COL4A1: variants seen among roughly 807,000 people sequenced by gnomAD.
The protein encoded by COL4A1 is collagen type IV alpha 1 chain.
A neutral mutation model predicts 216.6 loss-of-function variants in COL4A1; 40 were observed. The ratio of observed to expected loss-of-function variants is 0.18; its 90% CI spans 0.14 to 0.24. COL4A1 has a LOEUF of 0.24. COL4A1 is among the 10% of genes least tolerant of loss of function. The pLI, the probability that COL4A1 is intolerant of heterozygous loss-of-function variation, is 1.00. For synonymous variants in COL4A1, 839 were observed against 810.7 expected (o/e 1.03, Z -0.59); for missense variants, 1,628 against 2,196.8 (o/e 0.74, Z 5.18).
chr13:110,170,708 G>A lies in COL4A1; in HGVS notation c.3581C>T (p.Pro1194Leu), dbSNP rs372606485. ...AATTCCTGGGCTCCCGGCTAATCCT[G>A]GGAAACCCACCTCACCCTTTGAACC... ...DKGSKGEVGFPGLAGSPGIPG... is the reference protein window; with the variant it reads ...DKGSKGEVGFLGLAGSPGIPG... The change falls in exon 42 of 52, where the codon CCA (proline) becomes CTA (leucine). Residue 1194 changes from proline (P) to leucine (L), a missense_variant. Transcript: ENST00000375820. 16 of 1,614,088 alleles carry A rather than the reference G, an allele frequency of 9.9e-6. No individual in the cohort carries two copies. The highest frequency in any genetic ancestry group is 1.3e-5 in the Non-Finnish European group (15 of 1,180,050).
chr13:110,170,003 C>A (rs1877539732), intron 42 of COL4A1, among the ~76,000 whole-genome samples: 1 of 130,836 alleles, frequency 7.6e-6, no homozygotes, highest in Non-Finnish European at 1.6e-5. Context: ...ACCCTTGAGA[C>A]AGAAATTGAG....
intron 1 of COL4A1, among the ~76,000 whole-genome samples, chr13:110,283,395 G>A (rs1883715504): frequency 6.6e-6 from 1 of 152,222 alleles, no homozygotes; most frequent in Non-Finnish European, 1.5e-5. Context: ...CACTAATGTA[G>A]GGAGATGAGA....
Position 110,268,425 on chromosome 13 carries a change from T to C in COL4A1, c.85-25691A>G, listed in dbSNP as rs1479322902. On this transcript the variant is annotated intron_variant, in intron 1 of 51. Coordinates refer to ENST00000375820, the MANE Select transcript of COL4A1 (RefSeq NM_001845.6). This position sits in a 1 kb window ranked among gnomAD's most constrained non-coding sequence, Gnocchi z 4.1. Reference sequence around the variant, plus strand: ...CGGCATGGCCAGCTCTCTGCTCTCTTTAGAGAGAAGGCAACCATCCTCGCC... The same window carrying C: ...CGGCATGGCCAGCTCTCTGCTCTCTCTAGAGAGAAGGCAACCATCCTCGCC... Among the ~76,000 whole-genome samples, 1 of 152,142 alleles carries C rather than the reference T, an allele frequency of 6.6e-6. No homozygotes were observed. Among genetic ancestry groups the C allele is most frequent in the Non-Finnish European group, 1.5e-5 (1 of 68,020 alleles).
At chr13:110,186,600 C>T in intron 25 of COL4A1, 47 bp from the exon 26 acceptor site, 1 of 1,606,976 alleles carries the variant, frequency 6.2e-7, no homozygotes, top group Non-Finnish European at 8.5e-7. Flanking sequence ...GACACACCAA[C>T]ACCCTGTCCT....
Position 110,207,326 on chromosome 13 carries a change from T to C in COL4A1, c.780+77A>G. 5 of 1,272,790 alleles carry C rather than the reference T, an allele frequency of 3.9e-6. No homozygotes were observed. In the South Asian group the frequency reaches 4.8e-5, roughly 12 times the overall value. The allele number at this position is 1,272,790 out of a possible 1,614,324, so 78.8% of individuals were successfully genotyped here. A position where few individuals can be genotyped will look rare whatever the true frequency, so the allele number is the denominator to read the frequency against. ...GAATGTAGCTGGAAAAACTGAGTTT[T>C]GACCCATTTTCTCTTTATCTTTTGG... is the stretch of plus-strand genomic sequence containing the variant. On this transcript the variant is annotated intron_variant, in intron 13 of 51. Transcript: ENST00000375820. The surrounding 1 kb of genome is among the most constrained non-coding windows in gnomAD (Gnocchi z 4.4).
At position 110,155,321 on chromosome 13, in the gene COL4A1, C is replaced by T. The variant is rs759600848; in HGVS notation, c.4717G>A (p.Gly1573Arg). ...QTIQIPPCPS[G>R]WSSLWIGYSF... ...TAGCCGATCCACAGCGAGGACCACC[C>T]GCTGGGGCACGGTGGGATCTGAATG... The change falls in exon 50 of 52, where the codon GGG becomes AGG. Residue 1573 changes from glycine (G) to arginine (R), a missense_variant. Gly to Arg is a moderately radical substitution (Grantham distance 125, BLOSUM62 -2). Coordinates refer to ENST00000375820, the MANE Select transcript of COL4A1 (RefSeq NM_001845.6). The T allele has an allele frequency of 1.3e-5, 21 of 1,614,182 alleles. No individual in the cohort carries two copies. Among genetic ancestry groups the T allele is most frequent in the East Asian group, 4.5e-5 (2 of 44,880 alleles).
chr13:110,205,414 C>T lies in COL4A1; in HGVS notation c.904-8G>A, dbSNP rs767732094. 4 of 1,614,028 alleles carry T rather than the reference C, an allele frequency of 2.5e-6. No individual in the cohort carries two copies. Among genetic ancestry groups the T allele is most frequent in the South Asian group, 2.2e-5 (2 of 91,072 alleles). ...GGGTTCACCAGGAAAACCCTGAAAC[C>T]GAAGAGAGAAGCAGTAACCGTCAGA... On this transcript the variant is annotated splice_polypyrimidine_tract_variant and splice_region_variant and intron_variant, in intron 16 of 51. Coordinates refer to ENST00000375820, the MANE Select transcript of COL4A1 (RefSeq NM_001845.6).
rs775637944 is a variant in COL4A1 at position 110,174,763 on chromosome 13, T to G, written c.3199-14A>C. 6.2e-7 allele frequency: 1 copy of G among 1,612,218 alleles called. No homozygotes were observed. Among genetic ancestry groups the G allele is most frequent in the African/African-American group, 1.3e-5 (1 of 74,886 alleles). The stretch of plus-strand genomic sequence containing the variant: ...CCCTTGATCTCCCTGCAAGTAAAAG[T>G]CAGGCATATTAACTTTACATTTGTC... On this transcript the variant is annotated splice_polypyrimidine_tract_variant and intron_variant, in intron 37 of 51. Coordinates refer to ENST00000375820, the MANE Select transcript of COL4A1 (RefSeq NM_001845.6).
intron 2 of COL4A1, among the ~76,000 whole-genome samples, chr13:110,229,798 C>T (rs1022360688): frequency 6.6e-6 from 1 of 152,220 alleles, no homozygotes; most frequent in African/African-American, 2.4e-5. Context: ...ACCACCCAGT[C>T]TGTGGTATCC....
At chr13:110,214,553 G>A (rs1439626210) in intron 2 of COL4A1, among the ~76,000 whole-genome samples, 1 of 152,146 alleles carries the variant, frequency 6.6e-6, no homozygotes, top group African/African-American at 2.4e-5. Context: ...GGGTGAGCAG[G>A]TGTCATTGTT....
chr13:110,187,673 C>G (rs960558498), intron 24 of COL4A1, among the ~76,000 whole-genome samples: 14 of 152,186 alleles, frequency 9.2e-5, no homozygotes, highest in African/African-American at 3.1e-4. Context: ...ACACACAGCA[C>G]CTGTCAGAAG....
chr13:110,291,259 T>C lies in COL4A1; in HGVS notation c.84+15685A>G, dbSNP rs74124041. Among the ~76,000 whole-genome samples, 779 of 152,356 alleles carry C rather than the reference T, an allele frequency of 5.1e-3. 10 individuals are homozygous for C. Among genetic ancestry groups the C allele is most frequent in the African/African-American group, 0.018 (749 of 41,570 alleles). On this transcript the variant is annotated intron_variant, in intron 1 of 51. Coordinates refer to ENST00000375820, the MANE Select transcript of COL4A1 (RefSeq NM_001845.6). ...ATCTTCACGTTTTGCACTAAATTCA[T>C]CTAAACTCTTGATCTTGTCTTTTCA...
At chr13:110,188,574 G>C (rs1878498036) in intron 24 of COL4A1, among the ~76,000 whole-genome samples, 2 of 152,244 alleles carry the variant, frequency 1.3e-5, no homozygotes. Flanking sequence ...TACTCAGCCA[G>C]AAAGTGCTGG....
rs200252122 is a variant in COL4A1 at position 110,187,193 on chromosome 13, G to A, written c.1673C>T (p.Ala558Val). The change falls in exon 25 of 52, where the codon GCG (alanine) becomes GTG (valine). Residue 558 changes from alanine to valine, a missense_variant. Physicochemically the swap from Ala to Val is moderately conservative, Grantham distance 64 (BLOSUM62 0). Around this residue, in one of 8 missense-constraint regions of COL4A1, gnomAD observed 701 missense variants for 892.5 expected, o/e 0.79. Coordinates refer to ENST00000375820, the MANE Select transcript of COL4A1 (RefSeq NM_001845.6). The stretch of plus-strand genomic sequence containing the variant: ...ATGGCCATCTCTTCCAGGAGAACCC[G>A]CTCTCCCTGGCATGCCGGGCTGTCC... ...FPGQPGMPGR[A>V]GSPGRDGHPG... 1.3e-3 allele frequency: 2,106 copies of A among 1,613,974 alleles called. 45 individuals carry two copies. The South Asian group carries it at 0.021, about 16-fold the overall frequency.
chr13:110,169,278 A>C (rs1877492174), intron 43 of COL4A1, among the ~76,000 whole-genome samples: 1 of 152,234 alleles, frequency 6.6e-6, no homozygotes, highest in South Asian at 2.1e-4. Flanking sequence ...GTTCTCTGCA[A>C]AACAACATTG....
intron 2 of COL4A1, among the ~76,000 whole-genome samples, chr13:110,241,441 C>T (rs776140252): frequency 6.6e-6 from 1 of 152,184 alleles, no homozygotes; most frequent in African/African-American, 2.4e-5. Flanking sequence ...ATTTTAAGGA[C>T]ATTTTTATGA....
chr13:110,256,610 A>G (rs772732744), intron 1 of COL4A1, among the ~76,000 whole-genome samples: 5 of 152,236 alleles, frequency 3.3e-5, no homozygotes, highest in Admixed American at 6.5e-5. Context: ...TTTGAAGAAC[A>G]TTGGGAAGTT....
At chr13:110,200,052 A>C (rs1001144525) in intron 20 of COL4A1, among the ~76,000 whole-genome samples, 2 of 152,224 alleles carry the variant, frequency 1.3e-5, no homozygotes, top group Non-Finnish European at 2.9e-5. Context: ...AAAGGAAACA[A>C]ATATAAAATA....
intron 1 of COL4A1, among the ~76,000 whole-genome samples, chr13:110,294,187 C>G (rs1357973712): frequency 6.6e-6 from 1 of 152,158 alleles, no homozygotes; most frequent in Non-Finnish European, 1.5e-5. Flanking sequence ...CACGACCACT[C>G]GGGTCCTGTG....
Sources: gnomAD v4.1 joint callset for allele counts (sites outside exome capture counted in the v4.1 genomes callset) on GRCh38, gnomAD v4.1.1 for gene constraint, gnomAD v4.1.1 regional missense constraint, Gnocchi (gnomAD v3.1) non-coding constraint, MANE v1.5 for transcripts, NCBI Gene and HGNC (gene_info 2026-07-23, HGNC 2026-07-21) for gene names.